Variants in DLG2 observed in about 807,000 individuals in gnomAD.
The protein encoded by DLG2 is disks large homolog 2.
In DLG2, 45 loss-of-function variants were observed where a neutral mutation model predicts 132.5. That is an observed-to-expected ratio of 0.34 (90% CI 0.27 to 0.44). The LOEUF (loss-of-function observed/expected upper bound fraction) is 0.44, where lower values mean the gene tolerates loss of function less well. Among genes scored for constraint, DLG2 ranks in the 20% least tolerant of loss-of-function variants. The pLI is 1.00. For synonymous variants in DLG2, 424 were observed against 419.6 expected (o/e 1.01, Z -0.13); for missense variants, 1,045 against 1,196.9 (o/e 0.87, Z 1.87).
intron 6 of DLG2, among the ~76,000 whole-genome samples, chr11:84,974,899 G>C (rs752835972): frequency 3.3e-5 from 5 of 152,174 alleles, no homozygotes; most frequent in African/African-American, 7.2e-5. Flanking sequence ...GTTATAAATA[G>C]GTATAGACTT....
At position 84,448,422 on chromosome 11, in the gene DLG2, C is replaced by A. The variant is rs142381244; in HGVS notation, c.519+86148G>T. 7.2e-5 allele frequency among the ~76,000 whole-genome samples: 11 copies of A among 151,946 alleles called. No individual in the cohort carries two copies. In the East Asian group the frequency reaches 2.1e-3, roughly 29 times the overall value. ...GAGTAATACAATAATCTCTTAAATC[C>A]GGTGGCCATTTTTGATGAAGTTGTA... On this transcript the variant is annotated intron_variant, in intron 7 of 27. Coordinates refer to ENST00000376104, the MANE Select transcript of DLG2 (RefSeq NM_001142699.3).
chr11:84,541,583 A>G (rs1591942045), intron 6 of DLG2, among the ~76,000 whole-genome samples: 1 of 152,118 alleles, frequency 6.6e-6, no homozygotes, highest in African/African-American at 2.4e-5. Flanking sequence ...CCATGTGCCT[A>G]TCTCCCCTAG....
chr11:84,299,893 A>G (rs1355148240), intron 7 of DLG2, among the ~76,000 whole-genome samples: 1 of 152,170 alleles, frequency 6.6e-6, no homozygotes, highest in Non-Finnish European at 1.5e-5. Context: ...TCCTTGGAAC[A>G]ACCAGAAGGT....
At chr11:84,699,333 C>G (rs989156806) in intron 6 of DLG2, among the ~76,000 whole-genome samples, 3 of 151,470 alleles carry the variant, frequency 2.0e-5, no homozygotes, top group Non-Finnish European at 4.4e-5. Flanking sequence ...GAAATAATGT[C>G]GTTAAAGTGT....
chr11:84,737,496 A>AAGAGAGAGAGAGAG (rs1475694473), intron 6 of DLG2, among the ~76,000 whole-genome samples: 5 of 123,480 alleles, frequency 4.0e-5, no homozygotes, highest in South Asian at 2.6e-4. Context: ...GAGAGAAAGA[A>AAGAGAGAGAGAGAG]AGAGACAGAG....
At position 85,543,439 on chromosome 11, in the gene DLG2, A is replaced by G. The variant is rs576602431; in HGVS notation, c.40+55218T>C. On this transcript the variant is annotated intron_variant, in intron 3 of 27. Transcript: ENST00000376104. ...CTTTGCTAGTGTGAACAATGCCACA[A>G]TAAACATATGTGTGCATGGATCTTT... Among the ~76,000 whole-genome samples, 3 of 152,364 alleles carry G rather than the reference A, an allele frequency of 2.0e-5. No homozygotes were observed. In the East Asian group the frequency reaches 5.8e-4, roughly 29 times the overall value.
intron 7 of DLG2, among the ~76,000 whole-genome samples, chr11:84,469,698 G>T (rs1602688404): frequency 6.6e-6 from 1 of 151,478 alleles, no homozygotes; most frequent in African/African-American, 2.4e-5. Flanking sequence ...ATATAAAGAG[G>T]CATGAACACA....
chr11:84,040,736 A>C (rs1017888271), intron 11 of DLG2, among the ~76,000 whole-genome samples: 13 of 150,098 alleles, frequency 8.7e-5, no homozygotes, highest in African/African-American at 3.2e-4. Context: ...ACTTTAAAGT[A>C]GTTTTTTCCA....
chr11:85,510,600 C>G (rs1423669117), intron 3 of DLG2, among the ~76,000 whole-genome samples: 1 of 152,112 alleles, frequency 6.6e-6, no homozygotes, highest in Non-Finnish European at 1.5e-5. Flanking sequence ...GACATTTATG[C>G]AGCCAAAAAA....
At chr11:84,012,064 A>G (rs2094918893) in intron 11 of DLG2, among the ~76,000 whole-genome samples, 1 of 152,110 alleles carries the variant, frequency 6.6e-6, no homozygotes, top group African/African-American at 2.4e-5. Context: ...TGAGACTTAC[A>G]TATATAGAAA....
chr11:84,914,713 A>G (rs1204474539), intron 6 of DLG2, among the ~76,000 whole-genome samples: 1 of 152,220 alleles, frequency 6.6e-6, no homozygotes, highest in Non-Finnish European at 1.5e-5. Flanking sequence ...TGTCCTAAGC[A>G]TTGGTGCCTG....
intron 7 of DLG2, among the ~76,000 whole-genome samples, chr11:84,416,506 C>T (rs1420347328): frequency 6.6e-6 from 1 of 152,174 alleles, no homozygotes; most frequent in Non-Finnish European, 1.5e-5. Flanking sequence ...AGCAAGGATG[C>T]TCTGAATAAC....
intron 10 of DLG2, among the ~76,000 whole-genome samples, chr11:84,073,546 C>T (rs1218078260): frequency 6.6e-6 from 1 of 152,136 alleles, no homozygotes; most frequent in East Asian, 1.9e-4. Flanking sequence ...AAGATACTGG[C>T]CCTTGACCTA....
intron 7 of DLG2, among the ~76,000 whole-genome samples, chr11:84,275,747 G>A (rs1237941979): frequency 6.6e-6 from 1 of 152,168 alleles, no homozygotes; most frequent in Admixed American, 6.5e-5. Flanking sequence ...TGGTAAATCA[G>A]CACAAATAAC....
chr11:84,209,119 C>T (rs1333415066), intron 8 of DLG2, among the ~76,000 whole-genome samples: 1 of 152,178 alleles, frequency 6.6e-6, no homozygotes, highest in African/African-American at 2.4e-5. Flanking sequence ...AGGTTAACGT[C>T]ACCAGAAACG....
intron 18 of DLG2, chr11:83,724,747 G>A: frequency 4.6e-6 from 3 of 657,540 alleles, no homozygotes; most frequent in Non-Finnish European, 2.8e-6. Context: ...GGCTGTTTTA[G>A]GAAGGAAAGG....
chr11:83,852,016 C>T (rs534189599), intron 16 of DLG2, among the ~76,000 whole-genome samples: 96 of 151,962 alleles, frequency 6.3e-4, no homozygotes, highest in Non-Finnish European at 1.2e-3. Context: ...GGTGCAGCTG[C>T]AAACCAAGGA....
At chr11:83,783,309 C>T (rs1283771018) in intron 18 of DLG2, among the ~76,000 whole-genome samples, 4 of 152,196 alleles carry the variant, frequency 2.6e-5, no homozygotes, top group South Asian at 2.1e-4. Flanking sequence ...ATTGTGATCT[C>T]GCTTTGTAAA....
At chr11:85,020,073 C>G (rs1316121639) in intron 6 of DLG2, among the ~76,000 whole-genome samples, 1 of 152,204 alleles carries the variant, frequency 6.6e-6, no homozygotes, top group Non-Finnish European at 1.5e-5. Context: ...AACTAGTTTA[C>G]AGCCCCACCA....
Sources: gnomAD v4.1 joint callset for allele counts (sites outside exome capture counted in the v4.1 genomes callset) on GRCh38, gnomAD v4.1.1 for gene constraint, MANE v1.5 for transcripts, NCBI Gene and HGNC (gene_info 2026-07-23, HGNC 2026-07-21) for gene names.